CEP162: variants seen among roughly 807,000 people sequenced by gnomAD.
CEP162 encodes centrosomal protein 162, also known as centrosomal protein of 162 kDa.
In CEP162, 141 loss-of-function variants were observed where a neutral mutation model predicts 169.2. That is an observed-to-expected ratio of 0.83 (90% CI 0.73 to 0.96). CEP162 has a LOEUF of 0.96. Among genes scored for constraint, CEP162 ranks in the 40% least tolerant of loss-of-function variants. CEP162 has a pLI of 0.00. For synonymous variants in CEP162, 540 were observed against 526.4 expected, an observed-to-expected ratio of 1.03 and a Z score of -0.35; for missense variants, 1,600 against 1,587.2, an observed-to-expected ratio of 1.01 and a Z score of -0.14.
chr6:84,178,335 G>C (rs2099533222), intron 13 of CEP162, among the ~76,000 whole-genome samples: 1 of 151,688 alleles, frequency 6.6e-6, no homozygotes, highest in Non-Finnish European at 1.5e-5. Flanking sequence ...CTAATGTCTG[G>C]GTTAGCTTCA....
chr6:84,151,944 A>G (rs1056527729), intron 23 of CEP162, among the ~76,000 whole-genome samples: 1 of 152,142 alleles, frequency 6.6e-6, no homozygotes, highest in Non-Finnish European at 1.5e-5. Flanking sequence ...ACTATTTGTG[A>G]AAAACGGGTG....
At chr6:84,199,533 T>C (rs1486457120) in intron 9 of CEP162, among the ~76,000 whole-genome samples, 2 of 140,116 alleles carry the variant, frequency 1.4e-5, no homozygotes, top group African/African-American at 5.6e-5. Flanking sequence ...ATAGGTATAC[T>C]ATATATCAAT....
chr6:84,135,849 G>GT (rs1334625188), intron 25 of CEP162, among the ~76,000 whole-genome samples: 1 of 152,150 alleles, frequency 6.6e-6, no homozygotes, highest in Non-Finnish European at 1.5e-5. Context: ...GGCGACAACA[G>GT]TAAGACTGTC....
chr6:84,134,554 G>A (rs553622586), intron 25 of CEP162, among the ~76,000 whole-genome samples: 2 of 152,262 alleles, frequency 1.3e-5, no homozygotes, highest in South Asian at 2.1e-4. Context: ...GGAGTGCACC[G>A]TTCCTCATGG....
intron 17 of CEP162, among the ~76,000 whole-genome samples, chr6:84,170,575 C>A (rs546185194): frequency 6.6e-6 from 1 of 152,000 alleles, no homozygotes; most frequent in South Asian, 2.1e-4. Context: ...GCAGCCCTGC[C>A]TCTTAGGCCC....
At chr6:84,146,862 C>G (rs2099519103) in intron 24 of CEP162, 77 bp from the exon 25 acceptor site, 2 of 721,380 alleles carry the variant, frequency 2.8e-6, no homozygotes. Flanking sequence ...AAAGCCAACT[C>G]ACAAAAGGGA....
chr6:84,182,497 A>G (rs538560638), intron 13 of CEP162, among the ~76,000 whole-genome samples: 1 of 152,224 alleles, frequency 6.6e-6, no homozygotes, highest in African/African-American at 2.4e-5. Flanking sequence ...CCTTCCTATT[A>G]ATAAATATCT....
intron 20 of CEP162, 107 bp from the exon 21 acceptor site, chr6:84,161,023 C>G: frequency 1.3e-6 from 1 of 772,832 alleles, no homozygotes. Flanking sequence ...AATTCCTCAG[C>G]AAAATTTGGG....
chr6:84,154,839 C>T (rs1321033210), intron 22 of CEP162, among the ~76,000 whole-genome samples: 1 of 152,098 alleles, frequency 6.6e-6, no homozygotes. Flanking sequence ...TCCTGTTTCA[C>T]AAAATAATGG....
At chr6:84,219,392 T>TAA in intron 3 of CEP162, among the ~76,000 whole-genome samples, 1 of 152,338 alleles carries the variant, frequency 6.6e-6, no homozygotes, top group East Asian at 1.9e-4. Flanking sequence ...TTTAAAAAAA[T>TAA]TATTAATACC....
chr6:84,202,939 T>G (rs1454974720), intron 7 of CEP162, among the ~76,000 whole-genome samples: 1 of 152,090 alleles, frequency 6.6e-6, no homozygotes, highest in African/African-American at 2.4e-5. Flanking sequence ...ATAAGAAGAT[T>G]TATAGACACC....
rs550715021 is a variant in CEP162, at chr6:84,191,830, T to C, written c.1109+1779A>G. Among the ~76,000 whole-genome samples, 11 of 152,298 alleles carry C rather than the reference T, an allele frequency of 7.2e-5. No individual in the cohort carries two copies. The East Asian group carries it at 1.9e-3, about 27-fold the overall frequency. Reference sequence around the variant, plus strand: ...ACTGACTAGATACTGACCAAACTCATTTTTCTTTCTTGGCACAGAAACAAA... The same window carrying C: ...ACTGACTAGATACTGACCAAACTCACTTTTCTTTCTTGGCACAGAAACAAA... On this transcript the variant is annotated intron_variant, in intron 11 of 26. Coordinates refer to ENST00000403245, the MANE Select transcript of CEP162 (RefSeq NM_014895.4).
intron 11 of CEP162, among the ~76,000 whole-genome samples, chr6:84,189,352 T>C (rs1051846625): frequency 2.0e-5 from 3 of 152,122 alleles, no homozygotes; most frequent in Non-Finnish European, 4.4e-5. Context: ...TCCCTCAGCT[T>C]GCAGGGAGGT....
chr6:84,124,627 C>T lies in CEP162; in HGVS notation c.*443G>A, dbSNP rs2099508199. The T allele has an allele frequency of 9.9e-6, 2 of 202,366 alleles. No homozygotes were observed. Among genetic ancestry groups the T allele is most frequent in the African/African-American group, 2.4e-5 (1 of 41,476 alleles). The allele number at this position is 202,366 out of a possible 1,614,324, so 12.5% of individuals were successfully genotyped here. On this transcript the variant is annotated 3_prime_UTR_variant, in exon 27 of 27. Transcript: ENST00000403245. ...GCGTTGAAAAATTACCTGTTGGGTA[C>T]AGTGTTTAATATTTGGATGATGGGT... is the stretch of plus-strand genomic sequence containing the variant.
chr6:84,133,538 G>A (rs913155550), intron 25 of CEP162, among the ~76,000 whole-genome samples: 1 of 152,190 alleles, frequency 6.6e-6, no homozygotes, highest in African/African-American at 2.4e-5. Context: ...TGGCCACTTT[G>A]TTTACCTACT....
chr6:84,179,919 G>A (rs1385433731), intron 13 of CEP162, among the ~76,000 whole-genome samples: 3 of 152,092 alleles, frequency 2.0e-5, no homozygotes, highest in Admixed American at 6.5e-5. Context: ...AGAGGTACAA[G>A]AAGGAGCTGG....
chr6:84,141,126 G>T (rs2099516412), intron 25 of CEP162, among the ~76,000 whole-genome samples: 1 of 152,174 alleles, frequency 6.6e-6, no homozygotes, highest in Non-Finnish European at 1.5e-5. Context: ...CTCATCTGCT[G>T]AGAGGCCTGG....
rs57923044 is a variant in CEP162 at position 84,220,470 on chromosome 6, A to G, written c.172+587T>C. On this transcript the variant is annotated intron_variant, in intron 3 of 26. Coordinates refer to ENST00000403245, the MANE Select transcript of CEP162 (RefSeq NM_014895.4). ...GAGACCCTATCTCTACAAGAAATAA[A>G]AAAAATTAGCCAGGCATGTTGGCAT... 6.5e-3 allele frequency among the ~76,000 whole-genome samples: 987 copies of G among 152,250 alleles called. 7 individuals carry two copies. Among genetic ancestry groups the G allele is most frequent in the African/African-American group, 0.023 (938 of 41,536 alleles).
chr6:84,215,804 G>A lies in CEP162; in HGVS notation c.291C>T (p.Leu97=), dbSNP rs754666099. The change falls in exon 4 of 27, where the codon CTC becomes CTT. Residue 97 remains leucine (L), a synonymous_variant. Coordinates refer to ENST00000403245, the MANE Select transcript of CEP162 (RefSeq NM_014895.4). ...IQFLKSSGTS[L]LSTDSLETNE... is the part of the protein sequence containing the mutation. ...TTGTTTCTAAGCTATCAGTACTTAA[G>A]AGAGAGGTTCCACTGCTCTTAAGAA... 1 of 1,592,358 alleles carries A rather than the reference G, an allele frequency of 6.3e-7. No homozygotes were observed. Among genetic ancestry groups the A allele is most frequent in the Non-Finnish European group, 8.6e-7 (1 of 1,167,584 alleles).
Sources: gnomAD v4.1 joint callset for allele counts (sites outside exome capture counted in the v4.1 genomes callset) on GRCh38, gnomAD v4.1.1 for gene constraint, MANE v1.5 for transcripts, NCBI Gene and HGNC (gene_info 2026-07-23, HGNC 2026-07-21) for gene names.